Variants in CEP170B observed in about 807,000 individuals in gnomAD.
CEP170B encodes the protein centrosomal protein of 170 kDa protein B.
CEP170B carries 55 observed loss-of-function variants against 120.6 expected under a neutral mutation model. The ratio of observed to expected loss-of-function variants is 0.46; its 90% CI spans 0.37 to 0.57. The LOEUF is 0.57. Among genes scored for constraint, CEP170B ranks in the 20% least tolerant of loss-of-function variants. The probability of loss-of-function intolerance (pLI) is 0.00; values close to 1 mark genes in which losing one functional copy is unlikely to be tolerated. For missense variants in CEP170B, 2,212 were observed against 2,253.3 expected, an observed-to-expected ratio of 0.98 and a Z score of 0.37; for synonymous variants, 1,033 against 954.5, an observed-to-expected ratio of 1.08 and a Z score of -1.52.
Position 104,884,401 on chromosome 14 carries a change from C to A in CEP170B, c.1622C>A (p.Pro541Gln). 6.5e-7 allele frequency: 1 copy of A among 1,547,034 alleles called. No homozygotes were observed. The highest frequency in any genetic ancestry group is 8.7e-7 in the Non-Finnish European group (1 of 1,146,066). ...CATGGGACCAGCCCCGTGGGCCCCCCGACCCCACCGCCCGCCCCCACGGAC... is the reference window on the plus strand; with the variant it reads ...CATGGGACCAGCCCCGTGGGCCCCCAGACCCCACCGCCCGCCCCCACGGAC... ...TPHGTSPVGP[P>Q]TPPPAPTDPQ... The change falls in exon 9 of 19, where the codon CCG becomes CAG. Residue 541 changes from proline to glutamine, a missense_variant. By Grantham distance (76) the Pro-to-Gln change is moderately conservative (BLOSUM62 -1). Coordinates refer to ENST00000414716, the MANE Select transcript of CEP170B (RefSeq NM_001112726.3).
chr14:104,887,119 C>T lies in CEP170B; in HGVS notation c.2880C>T (p.Ser960=). 6.2e-7 allele frequency: 1 copy of T among 1,610,768 alleles called. No individual in the cohort carries two copies. Among genetic ancestry groups the T allele is most frequent in the Non-Finnish European group, 8.5e-7 (1 of 1,179,672 alleles). Residue 960 remains serine (S), a synonymous_variant, in exon 12 of 19, where the codon AGC becomes AGT. Coordinates refer to ENST00000414716, the MANE Select transcript of CEP170B (RefSeq NM_001112726.3). ...LSGDSDVDTA[S]TVSLRSGKSG... is the part of the protein sequence containing the mutation. ...GGGACTCGGACGTGGACACAGCCAG[C>T]ACCGTCAGCCTGCGTAGTGGCAAGA...
intron 2 of CEP170B, among the ~76,000 whole-genome samples, chr14:104,869,273 C>T (rs1459255842): frequency 1.3e-5 from 2 of 152,242 alleles, no homozygotes; most frequent in East Asian, 1.9e-4. Context: ...CCTGTCCTGG[C>T]TCATCCCCCA....
Position 104,895,094 on chromosome 14 carries a change from T to G in CEP170B, c.*136T>G. The G allele has an allele frequency of 3.9e-6, 4 of 1,015,098 alleles. No homozygotes were observed. Among genetic ancestry groups the G allele is most frequent in the Non-Finnish European group, 5.5e-6 (4 of 721,432 alleles). The allele number at this position is 1,015,098 out of a possible 1,614,324, so 62.9% of individuals were successfully genotyped here. The stretch of plus-strand genomic sequence containing the variant: ...TGCCATATCCCTGTGGGCGGGTGCC[T>G]CCCACGCCCTTGCCCCCTCGTCAGC... On this transcript the variant is annotated 3_prime_UTR_variant, in exon 19 of 19. Transcript: ENST00000414716.
At chr14:104,883,688 A>T in intron 8 of CEP170B, 143 bp from the exon 9 acceptor site, 2 of 1,069,266 alleles carry the variant, frequency 1.9e-6, no homozygotes, top group African/African-American at 1.6e-5. Context: ...TTCCCGTTGC[A>T]CTTCTTTGCC....
chr14:104,873,182 C>T (rs1049727233), intron 2 of CEP170B, among the ~76,000 whole-genome samples: 7 of 147,294 alleles, frequency 4.8e-5, no homozygotes, highest in East Asian at 2.1e-4. Context: ...AAGCCCTGGC[C>T]GGGGGTGGAG....
At chr14:104,889,072 C>T (rs900256441) in intron 12 of CEP170B, among the ~76,000 whole-genome samples, 2 of 152,344 alleles carry the variant, frequency 1.3e-5, no homozygotes, top group African/African-American at 4.8e-5. Context: ...CTGACAAACT[C>T]AAGCAGGCAG....
intron 5 of CEP170B, 68 bp from the exon 6 acceptor site, chr14:104,880,219 T>C: frequency 6.5e-7 from 1 of 1,541,944 alleles, no homozygotes; most frequent in African/African-American, 1.4e-5. Flanking sequence ...GAGGAGAGGC[T>C]GGGCCCACCC....
chr14:104,876,170 G>T lies in CEP170B; in HGVS notation c.106-86G>T, dbSNP rs116561688. 8.7e-3 allele frequency: 10,881 copies of T among 1,245,042 alleles called. 108 individuals are homozygous for T. Among genetic ancestry groups the T allele is most frequent in the African/African-American group, 0.029 (1,967 of 67,260 alleles). 77.1% of individuals were successfully genotyped at this position (1,245,042 alleles called of 1,614,324 possible). The stretch of plus-strand genomic sequence containing the variant: ...GGGCCACTGCTGGTGTTGTGCTGGG[G>T]CAGGGGATGGAGCAGGGGTGCCTCT... On this transcript the variant is annotated intron_variant, in intron 2 of 18. Coordinates refer to ENST00000414716, the MANE Select transcript of CEP170B (RefSeq NM_001112726.3).
chr14:104,883,264 C>T lies in CEP170B; in HGVS notation c.807C>T (p.Phe269=). ...AAPVVQSHAS[F]TIEFDDCSPG... ...CTGTGGTGCAGAGCCACGCCTCCTTCACCATCGAGTTTGATGACTGCAGCC... is the reference window on the plus strand; with the variant it reads ...CTGTGGTGCAGAGCCACGCCTCCTTTACCATCGAGTTTGATGACTGCAGCC... Residue 269 remains phenylalanine (F), a synonymous_variant, in exon 8 of 19, where the codon TTC becomes TTT. Transcript: ENST00000414716. 1 of 1,611,796 alleles carries T rather than the reference C, an allele frequency of 6.2e-7. No individual in the cohort carries two copies. The highest frequency in any genetic ancestry group is 8.5e-7 in the Non-Finnish European group (1 of 1,179,644).
At chr14:104,892,333 G>T (rs764940702) in intron 13 of CEP170B, among the ~76,000 whole-genome samples, 2 of 152,142 alleles carry the variant, frequency 1.3e-5, no homozygotes, top group Non-Finnish European at 2.9e-5. Context: ...GGAGGCCTGT[G>T]CCCCCTGGGC....
rs1896565213 is a variant in CEP170B, at chr14:104,887,116, C to T, written c.2877C>T (p.Ala959=). The T allele has an allele frequency of 3.1e-6, 5 of 1,610,894 alleles. No homozygotes were observed. The East Asian group carries it at 8.9e-5, about 29-fold the overall frequency. Reference sequence around the variant, plus strand: ...CTGGGGACTCGGACGTGGACACAGCCAGCACCGTCAGCCTGCGTAGTGGCA... The same window carrying T: ...CTGGGGACTCGGACGTGGACACAGCTAGCACCGTCAGCCTGCGTAGTGGCA... ...ALSGDSDVDT[A]STVSLRSGKS... Residue 959 remains alanine (A), a synonymous_variant, in exon 12 of 19, where the codon GCC becomes GCT. Coordinates refer to ENST00000414716, the MANE Select transcript of CEP170B (RefSeq NM_001112726.3).
chr14:104,884,439 A>G lies in CEP170B; in HGVS notation c.1660A>G (p.Lys554Glu). 1 of 1,535,050 alleles carries G rather than the reference A, an allele frequency of 6.5e-7. No individual in the cohort carries two copies. Among genetic ancestry groups the G allele is most frequent in the Non-Finnish European group, 8.8e-7 (1 of 1,137,188 alleles). ...PPAPTDPQLTKARKQEEDDSL... is the reference protein window; with the variant it reads ...PPAPTDPQLTEARKQEEDDSL... The stretch of plus-strand genomic sequence containing the variant: ...CGCCCCCACGGACCCCCAGCTGACC[A>G]AGGCACGGAAACAGGAGGAGGACGA... Residue 554 changes from lysine (K) to glutamate (E), a missense_variant, in exon 9 of 19, where the codon AAG becomes GAG. Physicochemically the swap from Lys to Glu is moderately conservative, Grantham distance 56. Coordinates refer to ENST00000414716, the MANE Select transcript of CEP170B (RefSeq NM_001112726.3).
chr14:104,874,610 C>T (rs890047644), intron 2 of CEP170B, among the ~76,000 whole-genome samples: 1 of 152,082 alleles, frequency 6.6e-6, no homozygotes, highest in African/African-American at 2.4e-5. Flanking sequence ...CTGGGGGGAC[C>T]CAGGGTCCTG....
rs1299310014 is a variant in CEP170B at position 104,891,417 on chromosome 14, AG to A, written c.3879-1557del. 2.0e-5 allele frequency among the ~76,000 whole-genome samples: 3 copies of A among 151,904 alleles called. No individual in the cohort carries two copies. Among genetic ancestry groups the A allele is most frequent in the African/African-American group, 7.3e-5 (3 of 41,294 alleles). ...TGAAGCCCATGAGGGACCTGGAAGG[AG>A]GTGGCCAGGAGCAGGCGGCCCTTAG... On this transcript the variant is annotated intron_variant, in intron 13 of 18. Coordinates refer to ENST00000414716, the MANE Select transcript of CEP170B (RefSeq NM_001112726.3). This position sits in a 1 kb window ranked among gnomAD's most constrained non-coding sequence, Gnocchi z 4.3.
chr14:104,886,891 C>G lies in CEP170B; in HGVS notation c.2652C>G (p.Pro884=), dbSNP rs199813535. 2.5e-5 allele frequency: 41 copies of G among 1,610,532 alleles called. No homozygotes were observed. The highest frequency in any genetic ancestry group is 3.3e-5 in the Non-Finnish European group (39 of 1,179,818). Residue 884 remains proline (P), a synonymous_variant, in exon 12 of 19, where the codon CCC becomes CCG. Coordinates refer to ENST00000414716, the MANE Select transcript of CEP170B (RefSeq NM_001112726.3). ...GTCCCCCAGCGCCCGGCAAGCCCCC[C>G]CACATCTCCAGCCACCCGCTTCTAC... The part of the protein sequence containing the change: ...ASGPPAPGKP[P]HISSHPLLQD...
At chr14:104,879,101 AG>A (rs1222421813) in intron 5 of CEP170B, among the ~76,000 whole-genome samples, 1 of 152,062 alleles carries the variant, frequency 6.6e-6, no homozygotes, top group Non-Finnish European at 1.5e-5. Flanking sequence ...GGGTCTCATA[AG>A]GGGCTTTAGA....
At chr14:104,877,492 A>G (rs1895917191) in intron 3 of CEP170B, among the ~76,000 whole-genome samples, 1 of 152,194 alleles carries the variant, frequency 6.6e-6, no homozygotes, top group African/African-American at 2.4e-5. Flanking sequence ...AAGGGCCACC[A>G]CAGGGCAGGC....
intron 12 of CEP170B, 193 bp from the exon 13 acceptor site, chr14:104,889,427 C>T: frequency 7.1e-7 from 1 of 1,414,380 alleles, no homozygotes; most frequent in Non-Finnish European, 9.4e-7. Flanking sequence ...AGCACTGAGC[C>T]CTCTCCCAGA....
Position 104,878,441 on chromosome 14 carries a change from A to G in CEP170B, c.275-2A>G, listed in dbSNP as rs74637178. 1 of 1,612,546 alleles carries G rather than the reference A, an allele frequency of 6.2e-7. No homozygotes were observed. The highest frequency in any genetic ancestry group is 8.5e-7 in the Non-Finnish European group (1 of 1,179,584). ...TCTGTGTTCGCCTTAACACGTGTCC[A>G]CATTCCAACATGTATGTGCTGGAGC... On this transcript the variant is annotated splice_acceptor_variant, in intron 4 of 18. Transcript: ENST00000414716. LOFTEE classifies it high-confidence loss of function.
Sources: gnomAD v4.1 joint callset for allele counts (sites outside exome capture counted in the v4.1 genomes callset) on GRCh38, gnomAD v4.1.1 for gene constraint, Gnocchi (gnomAD v3.1) non-coding constraint, MANE v1.5 for transcripts, NCBI Gene and HGNC (gene_info 2026-07-23, HGNC 2026-07-21) for gene names.